ADGRL2: variants seen among roughly 807,000 people sequenced by gnomAD.
ADGRL2 encodes the protein calcium-independent alpha-latrotoxin receptor 2.
Under a neutral mutation model 157.4 loss-of-function variants are expected in ADGRL2, and 44 were observed. That is an observed-to-expected ratio of 0.28 (90% CI 0.22 to 0.36). The LOEUF is 0.36. Ranked by LOEUF, ADGRL2 falls within the 10% of genes least tolerant of loss-of-function variation. The pLI, the probability that ADGRL2 is intolerant of heterozygous loss-of-function variation, is 1.00. For missense variants in ADGRL2, 1,510 were observed against 1,768.9 expected, an observed-to-expected ratio of 0.85 and a Z score of 2.63; for synonymous variants, 585 against 624.7, an observed-to-expected ratio of 0.94 and a Z score of 0.95.
In ADGRL2 at chr1:81,381,450, C is replaced by A. The variant is rs12040460; in HGVS notation, c.-301-63586C>A. On this transcript the variant is annotated intron_variant, in intron 1 of 24. Coordinates refer to the ADGRL2 transcript ENST00000370721. ...TAAATTAGCTAGGCATGGTGGCACA[C>A]CTGTAGTCCCAGTTACTCAAGGGAC... 0.017 allele frequency among the ~76,000 whole-genome samples: 2,605 copies of A among 152,196 alleles called. 135 individuals are homozygous for A. In the East Asian group the frequency reaches 0.18, roughly 11 times the overall value.
intron 1 of ADGRL2, among the ~76,000 whole-genome samples, chr1:81,336,178 T>C (rs902834891): frequency 2.0e-5 from 3 of 152,190 alleles, no homozygotes; most frequent in Admixed American, 6.5e-5. Context: ...CTTCCAGATA[T>C]GTTTCACCTC....
At position 81,969,243 on chromosome 1, in the gene ADGRL2, T is replaced by C; in HGVS notation, c.2589T>C (p.Leu863=). The C allele has an allele frequency of 6.2e-7, 1 of 1,614,078 alleles. No homozygotes were observed. Among genetic ancestry groups the C allele is most frequent in the Non-Finnish European group, 8.5e-7 (1 of 1,179,932 alleles). ...CCTGGGTGGGAATTGTCATTTCCCT[T>C]GTTTGCCTGGCTATCTGCATCTTCA... ...VITWVGIVIS[L]VCLAICIFTF... The change falls in exon 15 of 24, where the codon CTT becomes CTC. Residue 863 remains leucine, a synonymous_variant. Coordinates refer to ENST00000686636, the MANE Select transcript of ADGRL2 (RefSeq NM_001366006.2).
chr1:81,691,876 G>GTATATATATATATATATATATATATA (rs1164948316), intron 3 of ADGRL2, among the ~76,000 whole-genome samples: 1 of 82,260 alleles, frequency 1.2e-5, no homozygotes, highest in Admixed American at 1.4e-4. Context: ...GGGTGTGTGT[G>GTATATATATATATATATATATATATA]TGTGTATATA....
intron 3 of ADGRL2, among the ~76,000 whole-genome samples, chr1:81,926,178 T>C (rs1215829734): frequency 1.3e-5 from 2 of 152,014 alleles, no homozygotes; most frequent in Non-Finnish European, 2.9e-5. Flanking sequence ...GGATTTGGGA[T>C]GACCAATCTA....
At chr1:81,676,223 C>T (rs754073335) in intron 3 of ADGRL2, among the ~76,000 whole-genome samples, 2 of 151,600 alleles carry the variant, frequency 1.3e-5, no homozygotes, top group African/African-American at 4.9e-5. Context: ...ATTGGCCAGG[C>T]TGGTCTTGAA....
chr1:81,476,816 C>G (rs1271018508), intron 2 of ADGRL2, among the ~76,000 whole-genome samples: 1 of 152,182 alleles, frequency 6.6e-6, no homozygotes, highest in Non-Finnish European at 1.5e-5. Flanking sequence ...CCTTCATTGA[C>G]TATAGATATC....
intron 1 of ADGRL2, among the ~76,000 whole-genome samples, chr1:81,382,527 G>A (rs1386748401): frequency 1.3e-5 from 2 of 152,074 alleles, no homozygotes; most frequent in East Asian, 3.9e-4. Context: ...TAGGTTATTT[G>A]CTTTTTTAAA....
At chr1:81,777,249 A>G (rs372943644) in intron 2 of ADGRL2, among the ~76,000 whole-genome samples, 1 of 152,312 alleles carries the variant, frequency 6.6e-6, no homozygotes, top group East Asian at 1.9e-4. Flanking sequence ...AAATTTATTA[A>G]TGCAGCCTAA....
intron 17 of ADGRL2, among the ~76,000 whole-genome samples, chr1:81,978,513 C>G (rs1401362216): frequency 6.6e-6 from 1 of 151,532 alleles, no homozygotes; most frequent in Non-Finnish European, 1.5e-5. Context: ...AAAATTTTGC[C>G]CATTGACCTC....
chr1:81,629,540 A>G (rs1322714056), intron 3 of ADGRL2, among the ~76,000 whole-genome samples: 2 of 152,288 alleles, frequency 1.3e-5, no homozygotes, highest in East Asian at 1.9e-4. Flanking sequence ...TGCATAACAC[A>G]TGGTAAAGTT....
At chr1:81,892,290 A>G (rs531129693) in intron 2 of ADGRL2, among the ~76,000 whole-genome samples, 20 of 152,214 alleles carry the variant, frequency 1.3e-4, no homozygotes, top group African/African-American at 4.8e-4. Context: ...AGAATTAAAC[A>G]CTTCAGATTT....
chr1:81,846,714 A>G (rs1290022810), intron 2 of ADGRL2, among the ~76,000 whole-genome samples: 1 of 151,880 alleles, frequency 6.6e-6, no homozygotes, highest in African/African-American at 2.4e-5. Context: ...TTCTCTTTGT[A>G]GTACTAAAAT....
chr1:81,966,429 T>C lies in ADGRL2; in HGVS notation c.2169T>C (p.Ile723=). The C allele has an allele frequency of 6.2e-7, 1 of 1,614,130 alleles. No homozygotes were observed. The highest frequency in any genetic ancestry group is 8.5e-7 in the Non-Finnish European group (1 of 1,180,018). Residue 723 remains isoleucine, a synonymous_variant, in exon 13 of 24, where the codon ATT becomes ATC. Coordinates refer to ENST00000686636, the MANE Select transcript of ADGRL2 (RefSeq NM_001366006.2). ...RNGLAKLVFI[I]YRSLGQFLST... is the part of the protein sequence containing the mutation. ...GGCTTGCAAAGTTGGTGTTCATCATTTACCGGAGCCTGGGACAGTTCCTTA... is the reference window on the plus strand; with the variant it reads ...GGCTTGCAAAGTTGGTGTTCATCATCTACCGGAGCCTGGGACAGTTCCTTA...
intron 1 of ADGRL2, among the ~76,000 whole-genome samples, chr1:81,810,631 A>G (rs1358821190): frequency 1.3e-5 from 2 of 151,858 alleles, no homozygotes; most frequent in Non-Finnish European, 2.9e-5. Context: ...ATTTTGGGAA[A>G]CATTAATTTT....
At chr1:81,957,318 A>T (rs1653834189) in intron 11 of ADGRL2, among the ~76,000 whole-genome samples, 1 of 152,138 alleles carries the variant, frequency 6.6e-6, no homozygotes, top group South Asian at 2.1e-4. Flanking sequence ...GATCCAAGAT[A>T]TTTTTATCCC....
intron 10 of ADGRL2, among the ~76,000 whole-genome samples, chr1:81,954,748 G>A (rs189413827): frequency 7.2e-5 from 11 of 152,230 alleles, no homozygotes; most frequent in Admixed American, 5.2e-4. Flanking sequence ...TGTCTCACAC[G>A]GCAGACAGAA....
At chr1:81,533,893 A>G (rs187568225) in intron 2 of ADGRL2, among the ~76,000 whole-genome samples, 223 of 152,256 alleles carry the variant, frequency 1.5e-3, no homozygotes, top group African/African-American at 5.2e-3. Flanking sequence ...CATTTGTGTG[A>G]GTCTTGACGC....
chr1:81,910,548 T>C (rs978688709), intron 3 of ADGRL2, among the ~76,000 whole-genome samples: 20 of 151,538 alleles, frequency 1.3e-4, no homozygotes, highest in African/African-American at 4.6e-4. Context: ...CCTTCCCACA[T>C]ATAAGTATAA....
intron 2 of ADGRL2, among the ~76,000 whole-genome samples, chr1:81,839,248 A>T (rs1470754072): frequency 6.6e-6 from 1 of 151,982 alleles, no homozygotes; most frequent in Non-Finnish European, 1.5e-5. Context: ...CTTGCAGGTA[A>T]ACTCAGATAA....
Sources: allele counts gnomAD v4.1 joint callset (sites outside exome capture counted in the v4.1 genomes callset), GRCh38; gene constraint gnomAD v4.1.1; transcripts MANE v1.5; gene names NCBI Gene and HGNC (gene_info 2026-07-23, HGNC 2026-07-21).